Variants in CREB5 observed in about 807,000 individuals in gnomAD.
CREB5 encodes the protein cyclic AMP-responsive element-binding protein 5.
Under a neutral mutation model 57.1 loss-of-function variants are expected in CREB5, and 19 were observed. The observed-to-expected ratio is 0.33, with a 90% CI of 0.23 to 0.49. The LOEUF (loss-of-function observed/expected upper bound fraction) is 0.49. Ranked by LOEUF, CREB5 falls within the 20% of genes least tolerant of loss-of-function variation. CREB5 has a pLI of 0.99. For synonymous variants in CREB5, 238 were observed against 238.3 expected, an observed-to-expected ratio of 1.00 and a Z score of 0.01; for missense variants, 579 against 671.6, an observed-to-expected ratio of 0.86 and a Z score of 1.52.
At chr7:28,418,523 C>T (rs2215595) in intron 1 of CREB5, among the ~76,000 whole-genome samples, 50,764 of 152,054 alleles carry the variant, frequency 0.33, 8,980 homozygotes, top group African/African-American at 0.44. Flanking sequence ...CTCTGACCCT[C>T]TCTCTCCTTA....
intron 3 of CREB5, 48 bp from the exon 4 acceptor site, chr7:28,507,568 C>G (rs1384466379): frequency 1.3e-6 from 2 of 1,560,922 alleles, no homozygotes; most frequent in South Asian, 1.2e-5. Context: ...TTGCTACTGG[C>G]TTTTGAGAAA....
chr7:28,448,306 A>C (rs1331390624), intron 1 of CREB5, among the ~76,000 whole-genome samples: 1 of 152,252 alleles, frequency 6.6e-6, no homozygotes, highest in Non-Finnish European at 1.5e-5. Flanking sequence ...AATACTTAAT[A>C]AAGTTCCCTT....
intron 1 of CREB5, among the ~76,000 whole-genome samples, chr7:28,387,419 G>A (rs1259221423): frequency 6.6e-6 from 1 of 151,884 alleles, no homozygotes; most frequent in Non-Finnish European, 1.5e-5. Flanking sequence ...TTTTAATGGG[G>A]TTGTTTGTTT....
chr7:28,587,284 T>C (rs1796338517), intron 5 of CREB5, among the ~76,000 whole-genome samples: 1 of 152,210 alleles, frequency 6.6e-6, no homozygotes, highest in Admixed American at 6.5e-5. Context: ...ACATTTGTCA[T>C]GATTGCTGGC....
At chr7:28,637,174 A>C (rs1398710331) in intron 5 of CREB5, among the ~76,000 whole-genome samples, 3 of 152,070 alleles carry the variant, frequency 2.0e-5, no homozygotes, top group Non-Finnish European at 4.4e-5. Flanking sequence ...ACAAAAAAAG[A>C]AAGAAAAGAA....
intron 1 of CREB5, among the ~76,000 whole-genome samples, chr7:28,415,157 G>A (rs1367313591): frequency 2.0e-5 from 3 of 152,110 alleles, no homozygotes; most frequent in Admixed American, 6.5e-5. Context: ...TACCAGGCTG[G>A]CGTTTGACTA....
At chr7:28,664,029 A>T (rs1027076546) in intron 5 of CREB5, among the ~76,000 whole-genome samples, 4 of 152,226 alleles carry the variant, frequency 2.6e-5, no homozygotes, top group African/African-American at 9.6e-5. Flanking sequence ...CTTCCCAAAG[A>T]TCTCAAGTGA....
chr7:28,516,753 G>T (rs1052136133), intron 4 of CREB5, among the ~76,000 whole-genome samples: 2 of 152,198 alleles, frequency 1.3e-5, no homozygotes, highest in Admixed American at 6.5e-5. Flanking sequence ...GGTTGGGTCG[G>T]GTACTCAGCT....
At chr7:28,666,815 C>G (rs1008279541) in intron 5 of CREB5, among the ~76,000 whole-genome samples, 1 of 151,870 alleles carries the variant, frequency 6.6e-6, no homozygotes, top group Admixed American at 6.6e-5. Flanking sequence ...AGGAGTGTGT[C>G]CCAGCTACTT....
At chr7:28,301,112 A>C (rs1785091445) in intron 1 of CREB5, among the ~76,000 whole-genome samples, 1 of 152,218 alleles carries the variant, frequency 6.6e-6, no homozygotes, top group African/African-American at 2.4e-5. Context: ...ATGTAGACAG[A>C]TTTGAGAACC....
chr7:28,777,716 T>G (rs1207277121), intron 7 of CREB5, among the ~76,000 whole-genome samples: 1 of 152,220 alleles, frequency 6.6e-6, no homozygotes, highest in Non-Finnish European at 1.5e-5. Context: ...AATATAAATG[T>G]TCACAATATT....
chr7:28,571,570 T>C (rs1795705476), intron 5 of CREB5, among the ~76,000 whole-genome samples: 1 of 152,132 alleles, frequency 6.6e-6, no homozygotes, highest in Non-Finnish European at 1.5e-5. Context: ...CACCAGATAC[T>C]CCATGTCATG....
At chr7:28,515,096 A>G (rs933880480) in intron 4 of CREB5, among the ~76,000 whole-genome samples, 3 of 152,250 alleles carry the variant, frequency 2.0e-5, no homozygotes, top group Non-Finnish European at 4.4e-5. Context: ...ATTCATGTCC[A>G]CATATGGACA....
chr7:28,463,312 G>T (rs1790428675), intron 1 of CREB5, among the ~76,000 whole-genome samples: 1 of 152,002 alleles, frequency 6.6e-6, no homozygotes, highest in Non-Finnish European at 1.5e-5. Context: ...TGCCAGTACC[G>T]CACTGTCTTG....
intron 7 of CREB5, among the ~76,000 whole-genome samples, chr7:28,735,608 G>C (rs1803930595): frequency 6.6e-6 from 1 of 152,172 alleles, no homozygotes; most frequent in East Asian, 1.9e-4. Flanking sequence ...TTTTAAAGTT[G>C]AGTGAGTCCT....
At chr7:28,320,989 G>A (rs1251682875) in intron 1 of CREB5, among the ~76,000 whole-genome samples, 2 of 152,182 alleles carry the variant, frequency 1.3e-5, no homozygotes, top group African/African-American at 4.8e-5. Context: ...TGTGGAGCAT[G>A]GCTCTGCCAC....
chr7:28,591,011 A>G (rs1796492665), intron 5 of CREB5, among the ~76,000 whole-genome samples: 1 of 152,194 alleles, frequency 6.6e-6, no homozygotes, highest in Non-Finnish European at 1.5e-5. Flanking sequence ...TTTTTGCAAG[A>G]TCAATGAACT....
intron 1 of CREB5, among the ~76,000 whole-genome samples, chr7:28,452,422 T>C (rs1048442628): frequency 5.3e-5 from 8 of 152,166 alleles, no homozygotes; most frequent in African/African-American, 1.4e-4. Flanking sequence ...AAATGTAATA[T>C]AACAAAGAAA....
At chr7:28,589,305 A>G (rs1299916313) in intron 5 of CREB5, among the ~76,000 whole-genome samples, 2 of 152,154 alleles carry the variant, frequency 1.3e-5, no homozygotes, top group African/African-American at 4.8e-5. Context: ...ATGTAATCTC[A>G]GCACTTTGGG....
Sources: allele counts gnomAD v4.1 joint callset (sites outside exome capture counted in the v4.1 genomes callset), GRCh38; gene constraint gnomAD v4.1.1; transcripts MANE v1.5; gene names NCBI Gene and HGNC (gene_info 2026-07-23, HGNC 2026-07-21).